Variants in GMDS observed in about 807,000 individuals in gnomAD.
GMDS encodes the protein GDP-mannose 4,6-dehydratase, also known as GDP-mannose 4,6 dehydratase.
GMDS carries 20 observed loss-of-function variants against 49.9 expected under a neutral mutation model. That is an observed-to-expected ratio of 0.40 (90% CI 0.28 to 0.58). The LOEUF is 0.58. Ranked by LOEUF, GMDS falls within the 20% of genes least tolerant of loss-of-function variation. The probability of loss-of-function intolerance (pLI) is 0.42; values close to 1 mark genes in which losing one functional copy is unlikely to be tolerated. For synonymous variants in GMDS, 177 were observed against 178.6 expected, an observed-to-expected ratio of 0.99 and a Z score of 0.07; for missense variants, 362 against 481.4, an observed-to-expected ratio of 0.75 and a Z score of 2.32.
At chr6:2,166,722 C>T (rs565819904) in intron 1 of GMDS, among the ~76,000 whole-genome samples, 1 of 152,324 alleles carries the variant, frequency 6.6e-6, no homozygotes, top group South Asian at 2.1e-4. Flanking sequence ...AAGCATGCTC[C>T]TTCTGCTGTG....
At position 1,833,511 on chromosome 6, in the gene GMDS, T is replaced by G. The variant is rs1756775314; in HGVS notation, c.772-90925A>C. ...GCAGCACACATTTTTAAAACTTTTT[T>G]TTTTTGCCTTTTCTTCCTTTCCCTT... On this transcript the variant is annotated intron_variant, in intron 7 of 10. Transcript: ENST00000380815. The surrounding 1 kb of genome is among the most constrained non-coding windows in gnomAD (Gnocchi z 4.4). Among the ~76,000 whole-genome samples the G allele has an allele frequency of 6.6e-6, 1 of 152,154 alleles. No individual in the cohort carries two copies. The highest frequency in any genetic ancestry group is 2.4e-5 in the African/African-American group (1 of 41,420).
chr6:1,630,887 G>A (rs1762980455), intron 9 of GMDS, among the ~76,000 whole-genome samples: 1 of 152,030 alleles, frequency 6.6e-6, no homozygotes, highest in South Asian at 2.1e-4. Flanking sequence ...GATGGGGGGT[G>A]GCTGACTCAT....
intron 7 of GMDS, among the ~76,000 whole-genome samples, chr6:1,895,375 C>A (rs776052139): frequency 6.6e-6 from 1 of 152,208 alleles, no homozygotes; most frequent in African/African-American, 2.4e-5. Context: ...CAAAACACTG[C>A]CAAGCTATCA....
chr6:1,931,543 T>G (rs989094250), intron 6 of GMDS, among the ~76,000 whole-genome samples: 1 of 152,300 alleles, frequency 6.6e-6, no homozygotes, highest in East Asian at 1.9e-4. Flanking sequence ...ATATAGCACA[T>G]AGAGGTCCTT....
intron 6 of GMDS, among the ~76,000 whole-genome samples, chr6:1,932,115 C>T (rs1762314502): frequency 6.6e-6 from 1 of 152,156 alleles, no homozygotes; most frequent in Admixed American, 6.5e-5. Flanking sequence ...CCAGTGAGGT[C>T]ATGAAGGGAC....
intron 7 of GMDS, among the ~76,000 whole-genome samples, chr6:1,823,284 G>A (rs1026424557): frequency 2.6e-5 from 4 of 151,862 alleles, no homozygotes; most frequent in African/African-American, 7.3e-5. Context: ...ACTATATATC[G>A]TGACACCAAA....
At chr6:1,637,601 G>A (rs1243721194) in intron 9 of GMDS, among the ~76,000 whole-genome samples, 1 of 152,196 alleles carries the variant, frequency 6.6e-6, no homozygotes, top group African/African-American at 2.4e-5. Flanking sequence ...AATGGCACAA[G>A]GGGAAGCACG....
chr6:2,141,087 C>T (rs1325172580), intron 1 of GMDS, among the ~76,000 whole-genome samples: 1 of 152,172 alleles, frequency 6.6e-6, no homozygotes, highest in Non-Finnish European at 1.5e-5. Context: ...ATAGCAGTAC[C>T]TTCAAGTAAA....
intron 7 of GMDS, among the ~76,000 whole-genome samples, chr6:1,851,914 C>T (rs1026840575): frequency 3.3e-5 from 5 of 152,170 alleles, no homozygotes; most frequent in Non-Finnish European, 5.9e-5. Context: ...ACGTGTGTGT[C>T]TTGTCACCAC....
intron 1 of GMDS, among the ~76,000 whole-genome samples, chr6:2,161,594 T>A (rs1298792589): frequency 1.3e-5 from 2 of 152,220 alleles, no homozygotes; most frequent in Non-Finnish European, 1.5e-5. Flanking sequence ...ATTTTCCACA[T>A]CTTAATAAAA....
At chr6:1,831,393 C>T (rs909281381) in intron 7 of GMDS, among the ~76,000 whole-genome samples, 3 of 152,248 alleles carry the variant, frequency 2.0e-5, no homozygotes, top group East Asian at 1.9e-4. Context: ...TTAAGGGAAG[C>T]GTGAAGGGAA....
chr6:2,072,412 T>C (rs1020833768), intron 4 of GMDS, among the ~76,000 whole-genome samples: 7 of 152,228 alleles, frequency 4.6e-5, no homozygotes, highest in Non-Finnish European at 1.0e-4. Flanking sequence ...CTTTTCATTT[T>C]AAATAAAACT....
chr6:2,175,841 C>A, intron 1 of GMDS: 1 of 708,848 alleles, frequency 1.4e-6, no homozygotes, highest in Non-Finnish European at 2.5e-6. Flanking sequence ...ATGCATGAAC[C>A]CACGTAAGTT....
chr6:2,059,562 G>T (rs9378320), intron 4 of GMDS, among the ~76,000 whole-genome samples: 1 of 147,618 alleles, frequency 6.8e-6, no homozygotes, highest in African/African-American at 2.5e-5. Context: ...CAAAAAATTA[G>T]CCGGGCGTGG....
At chr6:1,801,266 A>G (rs1360136585) in intron 7 of GMDS, among the ~76,000 whole-genome samples, 2 of 152,216 alleles carry the variant, frequency 1.3e-5, no homozygotes, top group African/African-American at 2.4e-5. Context: ...CAGTTTGTTC[A>G]TGAGTTTTCA....
rs564650552 is a variant in GMDS at position 1,843,544 on chromosome 6, G to C, written c.771+86559C>G. On this transcript the variant is annotated intron_variant, in intron 7 of 10. Transcript: ENST00000380815. Reference sequence around the variant, plus strand: ...GCACTTTGGGAGGCCAAAGTAGGTAGATCACTCAAGCTCATGAGTTTGAGA... The same window carrying C: ...GCACTTTGGGAGGCCAAAGTAGGTACATCACTCAAGCTCATGAGTTTGAGA... 8.5e-5 allele frequency among the ~76,000 whole-genome samples: 13 copies of C among 152,326 alleles called. No homozygotes were observed. The South Asian group carries it at 2.7e-3, about 32-fold the overall frequency.
chr6:2,078,151 G>C (rs1024482933), intron 4 of GMDS, among the ~76,000 whole-genome samples: 11 of 151,776 alleles, frequency 7.2e-5, no homozygotes, highest in Non-Finnish European at 1.3e-4. Flanking sequence ...TGATTTATGT[G>C]GGTCATCTCT....
At chr6:1,920,301 G>C (rs1013214803) in intron 7 of GMDS, among the ~76,000 whole-genome samples, 1 of 152,208 alleles carries the variant, frequency 6.6e-6, no homozygotes, top group Non-Finnish European at 1.5e-5. Flanking sequence ...GAGCCCCCAG[G>C]CTTCTCCACC....
chr6:1,769,525 G>A (rs566379193), intron 7 of GMDS, among the ~76,000 whole-genome samples: 52 of 152,212 alleles, frequency 3.4e-4, no homozygotes, highest in Middle Eastern at 3.4e-3. Context: ...ATTTTCAAGG[G>A]GACTGGCAGG....
Sources: allele counts gnomAD v4.1 joint callset (sites outside exome capture counted in the v4.1 genomes callset), GRCh38; gene constraint gnomAD v4.1.1; non-coding constraint Gnocchi (gnomAD v3.1); transcripts MANE v1.5; gene names NCBI Gene and HGNC (gene_info 2026-07-23, HGNC 2026-07-21).